HORMAD1: variants seen among roughly 807,000 people sequenced by gnomAD.
HORMAD1 encodes the protein HORMA domain containing 1.
A neutral mutation model predicts 58.2 loss-of-function variants in HORMAD1; 33 were observed. That is an observed-to-expected ratio of 0.57 (90% CI 0.43 to 0.76). HORMAD1 has a LOEUF of 0.76. Among genes scored for constraint, HORMAD1 ranks in the 30% least tolerant of loss-of-function variants. The pLI is 0.00. For missense variants in HORMAD1, 363 were observed against 462.0 expected, an observed-to-expected ratio of 0.79 and a Z score of 1.96; for synonymous variants, 137 against 144.6, an observed-to-expected ratio of 0.95 and a Z score of 0.38.
rs1651778030 is a variant in HORMAD1, at chr1:150,708,975, T to C, written c.328-14A>G. 1 of 1,253,396 alleles carries C rather than the reference T, an allele frequency of 8.0e-7. No individual in the cohort carries two copies. The highest frequency in any genetic ancestry group is 1.2e-6 in the Non-Finnish European group (1 of 852,324). 77.6% of individuals were successfully genotyped at this position (1,253,396 alleles called of 1,614,324 possible). ...TTCTGAAATTGTCTTAAATAGAAAA[T>C]ATCGCAGTTATGCTTCTGATATTCA... On this transcript the variant is annotated splice_polypyrimidine_tract_variant and intron_variant, in intron 7 of 14. Coordinates refer to ENST00000361824, the MANE Select transcript of HORMAD1 (RefSeq NM_032132.5).
At chr1:150,719,619 A>C (rs1652182833) in intron 1 of HORMAD1, 81 bp from the exon 2 acceptor site, 1 of 624,656 alleles carries the variant, frequency 1.6e-6, no homozygotes, top group Non-Finnish European at 2.7e-6. Flanking sequence ...AAAATTCAAA[A>C]CAATTTTATG....
rs139152781 is a variant in HORMAD1 at position 150,699,397 on chromosome 1, T to A, written c.1105-663A>T. On this transcript the variant is annotated intron_variant, in intron 14 of 14. Coordinates refer to ENST00000361824, the MANE Select transcript of HORMAD1 (RefSeq NM_032132.5). ...TTTAGTAAATTATCCTCCTTCTACT[T>A]CAGTTTTGATCTCTAGAAAGCTCAG... 2.0e-5 allele frequency among the ~76,000 whole-genome samples: 3 copies of A among 152,340 alleles called. No individual in the cohort carries two copies. In the East Asian group the frequency reaches 5.8e-4, roughly 29 times the overall value.
At chr1:150,713,973 C>T in intron 5 of HORMAD1, 112 bp downstream of exon 5, 2 of 718,244 alleles carry the variant, frequency 2.8e-6, no homozygotes, top group Middle Eastern at 2.4e-4. Context: ...GTAATTCAGA[C>T]TGACCTACAC....
At chr1:150,700,272 A>C (rs1249149967) in intron 13 of HORMAD1, 89 bp from the exon 14 acceptor site, 2 of 670,474 alleles carry the variant, frequency 3.0e-6, no homozygotes, top group African/African-American at 3.7e-5. Context: ...GATATGCAAT[A>C]TTTATTTATT....
chr1:150,717,334 G>A (rs1420491892), intron 2 of HORMAD1, 52 bp from the exon 3 acceptor site: 2 of 1,226,280 alleles, frequency 1.6e-6, no homozygotes, highest in African/African-American at 1.6e-5. Flanking sequence ...TAAAAATAAA[G>A]TTTCTCTTGA....
intron 9 of HORMAD1, among the ~76,000 whole-genome samples, chr1:150,707,633 C>T (rs1297792591): frequency 5.9e-5 from 9 of 152,148 alleles, no homozygotes; most frequent in Non-Finnish European, 1.5e-5. Context: ...CAGTCCCTCG[C>T]GTGTACAAAA....
Position 150,698,457 on chromosome 1 carries a change from T to C in HORMAD1, c.*197A>G. 1 of 378,712 alleles carries C rather than the reference T, an allele frequency of 2.6e-6. No homozygotes were observed. Among genetic ancestry groups the C allele is most frequent in the Non-Finnish European group, 4.8e-6 (1 of 210,006 alleles). 23.5% of individuals were successfully genotyped at this position (378,712 alleles called of 1,614,324 possible). On this transcript the variant is annotated 3_prime_UTR_variant, in exon 15 of 15. Coordinates refer to ENST00000361824, the MANE Select transcript of HORMAD1 (RefSeq NM_032132.5). ...CGAATCAATTATGACATTTGTACTT[T>C]TGCTTTTATTCAAAAGTTCTATTGG...
chr1:150,698,708 A>G lies in HORMAD1; in HGVS notation c.1131T>C (p.Ser377=), dbSNP rs776830710. Residue 377 remains serine (S), a synonymous_variant, in exon 15 of 15, where the codon AGT becomes AGC. Transcript: ENST00000361824. ...TTCTCCTTTTTGGCACTGACTCTTG[A>G]CTAGAAGAATCAAAGTGATGGAGGA... ...RIVLHHFDSS[S]QESVPKRRKF... 2 of 1,599,914 alleles carry G rather than the reference A, an allele frequency of 1.3e-6. No individual in the cohort carries two copies. Among genetic ancestry groups the G allele is most frequent in the Admixed American group, 1.7e-5 (1 of 59,510 alleles).
At chr1:150,701,555 T>C (rs1312798104) in intron 13 of HORMAD1, among the ~76,000 whole-genome samples, 1 of 152,182 alleles carries the variant, frequency 6.6e-6, no homozygotes, top group Non-Finnish European at 1.5e-5. Context: ...CAACATGATA[T>C]CTCTGAGTGG....
At chr1:150,711,511 CATT>C in intron 7 of HORMAD1, 31 bp downstream of exon 7, 1 of 1,458,628 alleles carries the variant, frequency 6.9e-7, no homozygotes, top group Non-Finnish European at 9.6e-7. Context: ...ATATTAGAGG[CATT>C]ATGTTTCTTT....
rs587747483 is a variant in HORMAD1 at position 150,704,261 on chromosome 1, T to C, written c.871+16A>G. On this transcript the variant is annotated intron_variant, in intron 11 of 14. Transcript: ENST00000361824. ...AGTTGGAAGTGAGTTAATGTACATTTTCATTAACTTCTTACCTTCAAGTTC... is the reference window on the plus strand; with the variant it reads ...AGTTGGAAGTGAGTTAATGTACATTCTCATTAACTTCTTACCTTCAAGTTC... 1 of 1,587,388 alleles carries C rather than the reference T, an allele frequency of 6.3e-7. No homozygotes were observed. Among genetic ancestry groups the C allele is most frequent in the South Asian group, 1.2e-5 (1 of 85,720 alleles).
At chr1:150,711,704 T>C (rs878894025) in intron 6 of HORMAD1, 129 bp downstream of exon 6, 42 of 938,730 alleles carry the variant, frequency 4.5e-5, no homozygotes, top group South Asian at 2.4e-4. Flanking sequence ...TATTACTTTT[T>C]CATTCCATTG....
In HORMAD1 at chr1:150,706,640, A is replaced by G; in HGVS notation, c.717T>C (p.Thr239=). 6.2e-7 allele frequency: 1 copy of G among 1,613,326 alleles called. No homozygotes were observed. Among genetic ancestry groups the G allele is most frequent in the Non-Finnish European group, 8.5e-7 (1 of 1,179,572 alleles). The change falls in exon 10 of 15, where the codon ACT becomes ACC. Residue 239 remains threonine (T), a synonymous_variant. Transcript: ENST00000361824. ...ERERMENIDS[T]ILSPKQIKTP... Reference sequence around the variant, plus strand: ...TTTTTATTTGTTTTGGTGATAGTATAGTTGAGTCAATATTTTCCATTCGTT... The same window carrying G: ...TTTTTATTTGTTTTGGTGATAGTATGGTTGAGTCAATATTTTCCATTCGTT...
At chr1:150,706,415 T>C (rs1257754263) in intron 10 of HORMAD1, 138 bp downstream of exon 10, 9 of 757,998 alleles carry the variant, frequency 1.2e-5, no homozygotes, top group Non-Finnish European at 1.9e-5. Context: ...AGGCCTAGAC[T>C]TTAAGGTCCC....
chr1:150,698,680 A>G lies in HORMAD1; in HGVS notation c.1159T>C (p.Phe387Leu). 6.2e-7 allele frequency: 1 copy of G among 1,601,226 alleles called. No individual in the cohort carries two copies. The highest frequency in any genetic ancestry group is 8.6e-7 in the Non-Finnish European group (1 of 1,169,504). Residue 387 changes from phenylalanine (F) to leucine (L), a missense_variant, in exon 15 of 15, where the codon TTT (phenylalanine) becomes CTT (leucine). By Grantham distance (22) the Phe-to-Leu change is conservative (BLOSUM62 0). Coordinates refer to ENST00000361824, the MANE Select transcript of HORMAD1 (RefSeq NM_032132.5). ...SQESVPKRRK[F>L]SEPKEHI ...TATATATGTTCCTTTGGTTCACTAA[A>G]CTTTCTCCTTTTTGGCACTGACTCT...
In HORMAD1 at chr1:150,704,325, T is replaced by C; in HGVS notation, c.823A>G (p.Thr275Ala). The stretch of plus-strand genomic sequence containing the variant: ...TTTTTTTCCTGTTCTTCCATTTTAG[T>C]TTCAATGTCCAAATCATCCTACATA... ...HYTSDDLDIE[T>A]KMEEQEKNPA... The change falls in exon 11 of 15, where the codon ACT becomes GCT. Residue 275 changes from threonine (T) to alanine (A), a missense_variant. Physicochemically the swap from Thr to Ala is moderately conservative, Grantham distance 58 (BLOSUM62 0). Coordinates refer to ENST00000361824, the MANE Select transcript of HORMAD1 (RefSeq NM_032132.5). The C allele has an allele frequency of 6.3e-7, 1 of 1,582,278 alleles. No homozygotes were observed. Among genetic ancestry groups the C allele is most frequent in the Non-Finnish European group, 8.6e-7 (1 of 1,166,010 alleles).
intron 14 of HORMAD1, chr1:150,698,944 T>C: frequency 2.4e-6 from 1 of 411,832 alleles, no homozygotes; most frequent in Non-Finnish European, 4.4e-6. Context: ...ACTTGCAAAA[T>C]GTATAATCTT....
At chr1:150,716,802 A>C (rs1281341712) in intron 3 of HORMAD1, among the ~76,000 whole-genome samples, 2 of 151,788 alleles carry the variant, frequency 1.3e-5, no homozygotes, top group Non-Finnish European at 2.9e-5. Context: ...TCTCTACTAA[A>C]AATACAAAAA....
At chr1:150,713,105 G>A (rs1473753979) in intron 5 of HORMAD1, among the ~76,000 whole-genome samples, 2 of 152,028 alleles carry the variant, frequency 1.3e-5, no homozygotes, top group Non-Finnish European at 2.9e-5. Context: ...TCAATGCCTG[G>A]CTGGTTTCTT....
Sources: allele counts gnomAD v4.1 joint callset (sites outside exome capture counted in the v4.1 genomes callset), GRCh38; gene constraint gnomAD v4.1.1; transcripts MANE v1.5; gene names NCBI Gene and HGNC (gene_info 2026-07-23, HGNC 2026-07-21).